Variants in AP3B1 observed in about 807,000 individuals in gnomAD.
The protein encoded by AP3B1 is adaptor related protein complex 3 subunit beta 1.
A neutral mutation model predicts 132.5 loss-of-function variants in AP3B1; 61 were observed. The observed-to-expected ratio is 0.46, with a 90% confidence interval of 0.37 to 0.57. The LOEUF (loss-of-function observed/expected upper bound fraction) is 0.57. Among genes scored for constraint, AP3B1 ranks in the 20% least tolerant of loss-of-function variants. The pLI is 0.00. For synonymous variants in AP3B1, 388 were observed against 438.3 expected, an observed-to-expected ratio of 0.89 and a Z score of 1.43; for missense variants, 1,120 against 1,289.4, an observed-to-expected ratio of 0.87 and a Z score of 2.01.
At chr5:78,168,226 C>CT (rs111663014) in intron 11 of AP3B1, among the ~76,000 whole-genome samples, 3,870 of 127,960 alleles carry the variant, frequency 0.03, 164 homozygotes, top group African/African-American at 0.11. Context: ...TTTCTTTTTT[C>CT]TTTTTTTTTT....
In AP3B1 at chr5:78,002,760, TA is replaced by T; in HGVS notation, c.*141del. On this transcript the variant is annotated 3_prime_UTR_variant, in exon 27 of 27. Transcript: ENST00000255194. ...ACATGATAGATACACACTAGCATTC[TA>T]AAGCAGGAGACAAGAATGTCAAGAG... The T allele has an allele frequency of 1.0e-6, 1 of 983,418 alleles. No homozygotes were observed. Among genetic ancestry groups the T allele is most frequent in the Non-Finnish European group, 1.6e-6 (1 of 612,004 alleles). 60.9% of individuals were successfully genotyped at this position (983,418 alleles called of 1,614,324 possible).
intron 18 of AP3B1, among the ~76,000 whole-genome samples, chr5:78,114,544 T>G (rs1751738242): frequency 6.6e-6 from 1 of 152,166 alleles, no homozygotes; most frequent in South Asian, 2.1e-4. Flanking sequence ...TATGTGTAAA[T>G]TATGGTATGC....
At chr5:78,117,507 A>G (rs150675464) in intron 17 of AP3B1, among the ~76,000 whole-genome samples, 5,334 of 151,964 alleles carry the variant, frequency 0.035, 308 homozygotes, top group African/African-American at 0.12. Context: ...ACAGGATTTC[A>G]CTATGTTGCC....
intron 22 of AP3B1, among the ~76,000 whole-genome samples, chr5:78,063,749 G>T (rs937915559): frequency 6.6e-6 from 1 of 152,106 alleles, no homozygotes; most frequent in East Asian, 1.9e-4. Context: ...AATATAATAC[G>T]TAGTCTAGTA....
intron 7 of AP3B1, among the ~76,000 whole-genome samples, chr5:78,208,911 C>A: frequency 7.8e-6 from 1 of 128,758 alleles, no homozygotes; most frequent in South Asian, 2.6e-4. Flanking sequence ...AAAATGAACA[C>A]CTATGGATTG....
intron 1 of AP3B1, among the ~76,000 whole-genome samples, chr5:78,293,289 C>A (rs2112605117): frequency 6.6e-6 from 1 of 152,276 alleles, no homozygotes; most frequent in East Asian, 1.9e-4. Context: ...TCAGTCTAAA[C>A]ATTTTGCTAA....
chr5:78,165,847 T>C (rs1743595479), intron 11 of AP3B1, among the ~76,000 whole-genome samples, 175 bp from the exon 12 acceptor site: 1 of 152,128 alleles, frequency 6.6e-6, no homozygotes, highest in Non-Finnish European at 1.5e-5. Flanking sequence ...GGCGGGCGGA[T>C]CACCTGAGGC....
At chr5:78,204,003 T>C (rs1474157820) in intron 7 of AP3B1, among the ~76,000 whole-genome samples, 1 of 152,212 alleles carries the variant, frequency 6.6e-6, no homozygotes. Flanking sequence ...CCTGGTTTCA[T>C]TTAGCTGTTT....
At chr5:78,100,655 A>G (rs938087249) in intron 21 of AP3B1, among the ~76,000 whole-genome samples, 1 of 152,242 alleles carries the variant, frequency 6.6e-6, no homozygotes. Context: ...TGTAGAAGTT[A>G]TAAGGTATGG....
rs1750548615 is a variant in AP3B1, at chr5:78,092,198, G to GAATAAA, written c.2471-2700_2471-2699insTTTATT. ...ATGTAACGAATAAAAAACTGAATAA[G>GAATAAA]AAACAGCCTCTGATTTCAACTGTGG... On this transcript the variant is annotated intron_variant, in intron 21 of 26. Transcript: ENST00000255194. Among the ~76,000 whole-genome samples the GAATAAA allele has an allele frequency of 4.6e-5, 7 of 152,264 alleles. No individual in the cohort carries two copies. In the South Asian group the frequency reaches 1.0e-3, roughly 23 times the overall value.
At chr5:78,154,419 G>C (rs146797875) in intron 14 of AP3B1, among the ~76,000 whole-genome samples, 1 of 151,946 alleles carries the variant, frequency 6.6e-6, no homozygotes, top group Non-Finnish European at 1.5e-5. Context: ...TAAATGTCTC[G>C]AGGTAGGCTT....
intron 22 of AP3B1, among the ~76,000 whole-genome samples, chr5:78,069,265 A>T (rs1292088868): frequency 1.3e-5 from 2 of 152,184 alleles, no homozygotes; most frequent in Non-Finnish European, 2.9e-5. Context: ...TCAATCAGGC[A>T]AGAGAAAGAA....
At chr5:78,225,650 T>A in intron 5 of AP3B1, 42 bp from the exon 6 acceptor site, 1 of 1,308,966 alleles carries the variant, frequency 7.6e-7, no homozygotes, top group Non-Finnish European at 1.1e-6. Flanking sequence ...TCCCTTTAAT[T>A]CTAGCTTTAC....
At chr5:78,068,784 T>C (rs1198004822) in intron 22 of AP3B1, among the ~76,000 whole-genome samples, 1 of 146,406 alleles carries the variant, frequency 6.8e-6, no homozygotes, top group Non-Finnish European at 1.5e-5. Flanking sequence ...CCAAAACCTG[T>C]CAGAGATAAC....
chr5:78,029,681 G>T (rs1397137422), intron 24 of AP3B1, among the ~76,000 whole-genome samples: 2 of 151,392 alleles, frequency 1.3e-5, no homozygotes, highest in Non-Finnish European at 2.9e-5. Flanking sequence ...TTATTTTTTT[G>T]AATAGAGACA....
At chr5:78,093,056 T>C (rs1750597946) in intron 21 of AP3B1, among the ~76,000 whole-genome samples, 1 of 152,198 alleles carries the variant, frequency 6.6e-6, no homozygotes. Flanking sequence ...GAAAAATATA[T>C]TTACAATGAT....
intron 1 of AP3B1, among the ~76,000 whole-genome samples, chr5:78,285,843 C>T (rs1446009019): frequency 2.6e-5 from 4 of 152,178 alleles, no homozygotes; most frequent in Non-Finnish European, 5.9e-5. Flanking sequence ...ATATCCATAA[C>T]TCACCCACTT....
In AP3B1 at chr5:78,002,745, T is replaced by C. The variant is rs1335436050; in HGVS notation, c.*157A>G. 1.5e-5 allele frequency: 13 copies of C among 860,928 alleles called. No individual in the cohort carries two copies. Among genetic ancestry groups the C allele is most frequent in the Non-Finnish European group, 2.5e-5 (13 of 510,538 alleles). The allele number at this position is 860,928 out of a possible 1,614,324, so 53.3% of individuals were successfully genotyped here. On this transcript the variant is annotated 3_prime_UTR_variant, in exon 27 of 27. Transcript: ENST00000255194. ...GGGAAAGTATTGCATACATGATAGA[T>C]ACACACTAGCATTCTAAAGCAGGAG...
chr5:78,240,793 T>C (rs1747099757), intron 3 of AP3B1, 69 bp downstream of exon 3: 2 of 1,043,680 alleles, frequency 1.9e-6, no homozygotes, highest in African/African-American at 3.1e-5. Flanking sequence ...TGTTGCATTA[T>C]ACTACATAAA....
Sources: allele counts gnomAD v4.1 joint callset (sites outside exome capture counted in the v4.1 genomes callset), GRCh38; gene constraint gnomAD v4.1.1; transcripts MANE v1.5; gene names NCBI Gene and HGNC (gene_info 2026-07-23, HGNC 2026-07-21).